Variants in GBP7 observed in about 807,000 individuals in gnomAD.
GBP7 encodes guanylate binding protein 7.
In GBP7, 43 loss-of-function variants were observed where a neutral mutation model predicts 61.3. That is an observed-to-expected ratio of 0.70 (90% CI 0.55 to 0.91). GBP7 has a LOEUF of 0.91. Among genes scored for constraint, GBP7 ranks in the 40% least tolerant of loss-of-function variants. The pLI, the probability that GBP7 is intolerant of heterozygous loss-of-function variation, is 0.00. For synonymous variants in GBP7, 267 were observed against 271.0 expected (o/e 0.99, Z 0.14); for missense variants, 717 against 740.5 (o/e 0.97, Z 0.37).
Position 89,150,580 on chromosome 1 carries a change from A to G in GBP7, c.626-5T>C. The stretch of plus-strand genomic sequence containing the variant: ...TTTGGATTTGGGGATTCTTGCCTGC[A>G]GAATTAGTGAAAAAGTGACTACTGA... On this transcript the variant is annotated splice_region_variant and splice_polypyrimidine_tract_variant and intron_variant, in intron 5 of 10. Coordinates refer to ENST00000294671, the MANE Select transcript of GBP7 (RefSeq NM_207398.3). 1 of 1,613,008 alleles carries G rather than the reference A, an allele frequency of 6.2e-7. No individual in the cohort carries two copies. Among genetic ancestry groups the G allele is most frequent in the South Asian group, 1.1e-5 (1 of 91,010 alleles).
Position 89,162,042 on chromosome 1 carries a change from C to CTTTTT in GBP7, c.318+2684_318+2688dup, listed in dbSNP as rs58355264. On this transcript the variant is annotated intron_variant, in intron 3 of 10. Coordinates refer to ENST00000294671, the MANE Select transcript of GBP7 (RefSeq NM_207398.3). ...TGAATAGGGAATCTTTTCCCCATTG[C>CTTTTT]TTTTTTTTTTTTTCAGGTTTGTCAA... Among the ~76,000 whole-genome samples, 647 of 144,042 alleles carry CTTTTT rather than the reference C, an allele frequency of 4.5e-3. 3 individuals carry two copies. Among genetic ancestry groups the CTTTTT allele is most frequent in the African/African-American group, 0.015 (595 of 39,286 alleles). The allele number at this position is 144,042 out of a possible 152,430, so 94.5% of individuals were successfully genotyped here.
intron 3 of GBP7, among the ~76,000 whole-genome samples, chr1:89,160,699 A>G (rs536699802): frequency 6.6e-6 from 1 of 152,290 alleles, no homozygotes; most frequent in African/African-American, 2.4e-5. Flanking sequence ...CAAAAAAGAA[A>G]TAATTTCGTC....
intron 8 of GBP7, among the ~76,000 whole-genome samples, chr1:89,147,102 C>G (rs115915844): frequency 0.016 from 2,464 of 152,218 alleles, 56 homozygotes; most frequent in African/African-American, 0.056. Flanking sequence ...AAAATAATAT[C>G]TGATACACAA....
intron 3 of GBP7, among the ~76,000 whole-genome samples, chr1:89,162,669 T>G (rs1647309589): frequency 6.6e-6 from 1 of 152,152 alleles, no homozygotes. Context: ...GGGCTGAGAC[T>G]GGGGGGTTTT....
intron 9 of GBP7, among the ~76,000 whole-genome samples, chr1:89,134,307 T>A (rs1430617424): frequency 3.9e-5 from 6 of 152,220 alleles, no homozygotes; most frequent in African/African-American, 1.4e-4. Flanking sequence ...GTGCAGACCC[T>A]GTCAACCTGC....
chr1:89,151,061 T>C (rs554061310), intron 5 of GBP7, among the ~76,000 whole-genome samples: 17 of 152,320 alleles, frequency 1.1e-4, no homozygotes, highest in Middle Eastern at 3.4e-3. Context: ...TTTTTTGTGG[T>C]AAGAGTACCT....
Position 89,169,455 on chromosome 1 carries a change from C to T in GBP7, c.190+2291G>A, listed in dbSNP as rs11804698. 9.9e-3 allele frequency among the ~76,000 whole-genome samples: 1,506 copies of T among 152,182 alleles called. 30 individuals are homozygous for T. Among genetic ancestry groups the T allele is most frequent in the African/African-American group, 0.034 (1,410 of 41,502 alleles). ...AACCTTATCTTGGTAATAACTGGAACGACTAGAGGAGAAAATTTATGATTA... is the reference window on the plus strand; with the variant it reads ...AACCTTATCTTGGTAATAACTGGAATGACTAGAGGAGAAAATTTATGATTA... On this transcript the variant is annotated intron_variant, in intron 2 of 10. Transcript: ENST00000294671.
intron 8 of GBP7, among the ~76,000 whole-genome samples, chr1:89,144,015 C>G (rs960755899): frequency 6.6e-6 from 1 of 152,142 alleles, no homozygotes; most frequent in African/African-American, 2.4e-5. Context: ...GTTTTTCAAC[C>G]CTACTTCCCT....
intron 2 of GBP7, among the ~76,000 whole-genome samples, chr1:89,169,719 C>T (rs1647545913): frequency 1.3e-5 from 2 of 152,084 alleles, no homozygotes; most frequent in Admixed American, 6.5e-5. Context: ...CATGTTTGGG[C>T]CACACAAAAA....
chr1:89,153,604 G>T (rs138435864), intron 3 of GBP7, among the ~76,000 whole-genome samples: 1 of 152,200 alleles, frequency 6.6e-6, no homozygotes, highest in Non-Finnish European at 1.5e-5. Context: ...CTTTGATTTT[G>T]TGGATGCAAA....
intron 9 of GBP7, among the ~76,000 whole-genome samples, chr1:89,137,995 A>C (rs1473184639): frequency 2.0e-5 from 3 of 152,154 alleles, no homozygotes; most frequent in African/African-American, 7.2e-5. Flanking sequence ...GCATTTCTAC[A>C]CACCAATAAT....
intron 1 of GBP7, among the ~76,000 whole-genome samples, chr1:89,172,952 A>G (rs2100664126): frequency 6.6e-6 from 1 of 152,058 alleles, no homozygotes; most frequent in South Asian, 2.1e-4. Context: ...AGACTCAGAG[A>G]TATTAGTTTT....
intron 2 of GBP7, among the ~76,000 whole-genome samples, chr1:89,166,988 A>G (rs1647462001): frequency 2.0e-5 from 3 of 152,114 alleles, no homozygotes; most frequent in Admixed American, 2.0e-4. Context: ...CCACGTCTCA[A>G]CCACCCTGGA....
intron 8 of GBP7, among the ~76,000 whole-genome samples, chr1:89,142,239 T>C (rs554774969): frequency 3.3e-5 from 5 of 152,220 alleles, no homozygotes; most frequent in Admixed American, 2.0e-4. Context: ...GTGAATATAA[T>C]GGAAAATTGA....
rs546760954 is a variant in GBP7, at chr1:89,158,806, A to G, written c.318+5925T>C. ...CTGCCCAAGGTAATTTATAGATTCA[A>G]TGCCATCCCCATCAAGCTACCAATG... On this transcript the variant is annotated intron_variant, in intron 3 of 10. Coordinates refer to ENST00000294671, the MANE Select transcript of GBP7 (RefSeq NM_207398.3). Among the ~76,000 whole-genome samples, 15 of 152,296 alleles carry G rather than the reference A, an allele frequency of 9.8e-5. No individual in the cohort carries two copies. The East Asian group carries it at 2.5e-3, about 25-fold the overall frequency.
intron 3 of GBP7, among the ~76,000 whole-genome samples, chr1:89,154,663 T>G (rs2100650315): frequency 6.6e-6 from 1 of 151,622 alleles, no homozygotes; most frequent in South Asian, 2.1e-4. Context: ...TTCCTTTTTT[T>G]TTTTTTAACT....
chr1:89,168,926 G>A (rs1005919722), intron 2 of GBP7, among the ~76,000 whole-genome samples: 6 of 151,574 alleles, frequency 4.0e-5, no homozygotes, highest in African/African-American at 1.5e-4. Context: ...CTGAGATCTC[G>A]CCATTGCACT....
At chr1:89,133,585 C>T in intron 9 of GBP7, 134 bp from the exon 10 acceptor site, 1 of 682,788 alleles carries the variant, frequency 1.5e-6, no homozygotes, top group Middle Eastern at 4.1e-4. Flanking sequence ...TGATAAACTC[C>T]AAGCAGGACT....
chr1:89,173,092 C>T (rs952460166), intron 1 of GBP7, among the ~76,000 whole-genome samples: 21 of 152,128 alleles, frequency 1.4e-4, no homozygotes, highest in Non-Finnish European at 2.1e-4. Flanking sequence ...ATTTTCAGCG[C>T]TTCTTTCCTT....
Sources: gnomAD v4.1 joint callset for allele counts (sites outside exome capture counted in the v4.1 genomes callset) on GRCh38, gnomAD v4.1.1 for gene constraint, MANE v1.5 for transcripts, NCBI Gene and HGNC (gene_info 2026-07-23, HGNC 2026-07-21) for gene names.